Variants in UQCC1 observed in about 807,000 individuals in gnomAD.
The protein encoded by UQCC1 is ubiquinol-cytochrome c reductase complex assembly factor 1.
In UQCC1, 38 loss-of-function variants were observed where a neutral mutation model predicts 48.0. The ratio of observed to expected loss-of-function variants is 0.79; its 90% CI spans 0.61 to 1.04. The LOEUF is 1.04. Ranked by LOEUF, UQCC1 falls within the 50% of genes least tolerant of loss-of-function variation. The probability of loss-of-function intolerance (pLI) is 0.00; values close to 1 mark genes in which losing one functional copy is unlikely to be tolerated. For synonymous variants in UQCC1, 111 were observed against 129.2 expected (o/e 0.86, Z 0.95); for missense variants, 368 against 381.8 (o/e 0.96, Z 0.30).
chr20:35,331,153 T>A (rs1212649905), intron 7 of UQCC1, among the ~76,000 whole-genome samples: 1 of 152,082 alleles, frequency 6.6e-6, no homozygotes, highest in African/African-American at 2.4e-5. Flanking sequence ...AGAAGCCTGC[T>A]CAGCGCTTAA....
intron 7 of UQCC1, among the ~76,000 whole-genome samples, chr20:35,323,662 G>A (rs2061157429): frequency 6.6e-6 from 1 of 152,320 alleles, no homozygotes; most frequent in South Asian, 2.1e-4. Context: ...AGGCCAGGGC[G>A]TTCAAGATTC....
At chr20:35,379,966 A>T (rs1241745357) in intron 4 of UQCC1, among the ~76,000 whole-genome samples, 1 of 152,180 alleles carries the variant, frequency 6.6e-6, no homozygotes, top group Non-Finnish European at 1.5e-5. Flanking sequence ...GAGCAAAGGA[A>T]TTTTCCTGAT....
intron 5 of UQCC1, among the ~76,000 whole-genome samples, chr20:35,367,920 A>T (rs2061687878): frequency 1.3e-5 from 2 of 152,314 alleles, no homozygotes; most frequent in South Asian, 2.1e-4. Flanking sequence ...TTCAGATCCC[A>T]CAAATTAGTT....
intron 9 of UQCC1, among the ~76,000 whole-genome samples, chr20:35,304,928 A>G (rs2060911864): frequency 6.6e-6 from 1 of 151,116 alleles, no homozygotes; most frequent in Non-Finnish European, 1.5e-5. Context: ...CCTAAAGCCC[A>G]CTCCTCCCTT....
At chr20:35,384,806 AAAT>A in intron 2 of UQCC1, among the ~76,000 whole-genome samples, 1 of 151,740 alleles carries the variant, frequency 6.6e-6, no homozygotes, top group Admixed American at 6.6e-5. Flanking sequence ...TCTCTACTAA[AAAT>A]ACAAAAAATT....
chr20:35,376,302 C>T lies in UQCC1; in HGVS notation c.334-2046G>A, dbSNP rs998992801. Among the ~76,000 whole-genome samples the T allele has an allele frequency of 6.0e-5, 9 of 150,114 alleles. No homozygotes were observed. The East Asian group carries it at 9.7e-4, about 16-fold the overall frequency. ...CAGCCTGGGCGACAGAGCCAGACTCCGCCTCAAAAAAAAAATCAATAAAAT... is the reference window on the plus strand; with the variant it reads ...CAGCCTGGGCGACAGAGCCAGACTCTGCCTCAAAAAAAAAATCAATAAAAT... On this transcript the variant is annotated intron_variant, in intron 4 of 9. Transcript: ENST00000374385.
At chr20:35,336,571 G>C (rs1021699147) in intron 7 of UQCC1, among the ~76,000 whole-genome samples, 1 of 152,132 alleles carries the variant, frequency 6.6e-6, no homozygotes, top group Non-Finnish European at 1.5e-5. Flanking sequence ...AGAGCTGGAA[G>C]GGGCAAGAGT....
At chr20:35,350,790 C>T (rs2061482206) in intron 6 of UQCC1, among the ~76,000 whole-genome samples, 1 of 151,062 alleles carries the variant, frequency 6.6e-6, no homozygotes, top group African/African-American at 2.4e-5. Context: ...CCTGTAATTC[C>T]AACACTTTGG....
intron 2 of UQCC1, among the ~76,000 whole-genome samples, chr20:35,386,955 A>C (rs910074673): frequency 1.3e-5 from 2 of 151,776 alleles, no homozygotes; most frequent in Admixed American, 6.6e-5. Context: ...ACCCTTAAAG[A>C]CCTCAATTTT....
intron 7 of UQCC1, among the ~76,000 whole-genome samples, chr20:35,325,519 G>T (rs6060371): frequency 0.48 from 73,070 of 151,918 alleles, 19,307 homozygotes; most frequent in African/African-American, 0.71. Flanking sequence ...GACTATAAAC[G>T]GTCTTGGTAC....
intron 7 of UQCC1, among the ~76,000 whole-genome samples, chr20:35,327,245 C>T (rs1206830596): frequency 6.6e-6 from 1 of 152,198 alleles, no homozygotes; most frequent in African/African-American, 2.4e-5. Flanking sequence ...TGGGTCAGAC[C>T]AAAGTCTAAA....
At chr20:35,360,658 G>A (rs2061595496) in intron 6 of UQCC1, among the ~76,000 whole-genome samples, 1 of 152,000 alleles carries the variant, frequency 6.6e-6, no homozygotes, top group Admixed American at 6.6e-5. Flanking sequence ...GAAGGCCAAG[G>A]CAACTGCTTT....
At chr20:35,379,200 C>T (rs1402535784) in intron 4 of UQCC1, among the ~76,000 whole-genome samples, 1 of 152,106 alleles carries the variant, frequency 6.6e-6, no homozygotes, top group Admixed American at 6.5e-5. Flanking sequence ...TAAGGGAAAG[C>T]TACATTTAAG....
intron 7 of UQCC1, among the ~76,000 whole-genome samples, chr20:35,321,774 C>T (rs536844904): frequency 3.8e-4 from 58 of 152,320 alleles, no homozygotes; most frequent in African/African-American, 1.4e-3. Flanking sequence ...ATGTTCAAGA[C>T]TGCATAGCCT....
chr20:35,321,642 G>A (rs1006857334), intron 7 of UQCC1, among the ~76,000 whole-genome samples: 1 of 152,152 alleles, frequency 6.6e-6, no homozygotes, highest in Non-Finnish European at 1.5e-5. Flanking sequence ...ATCACTTGAG[G>A]CCAGGAGTTC....
chr20:35,306,508 C>G, intron 9 of UQCC1, 158 bp downstream of exon 9: 1 of 607,714 alleles, frequency 1.6e-6, no homozygotes, highest in South Asian at 1.9e-5. Flanking sequence ...GTTGGACATA[C>G]AGAAGGCGCT....
At chr20:35,343,462 A>G (rs2061402395) in intron 7 of UQCC1, among the ~76,000 whole-genome samples, 1 of 152,202 alleles carries the variant, frequency 6.6e-6, no homozygotes, top group African/African-American at 2.4e-5. Flanking sequence ...CCCCTCAAAC[A>G]CACACATGCA....
intron 2 of UQCC1, among the ~76,000 whole-genome samples, chr20:35,392,595 C>T (rs932166225): frequency 1.2e-4 from 18 of 152,104 alleles, no homozygotes; most frequent in African/African-American, 4.1e-4. Context: ...GAACACAGCC[C>T]AAGCTCTGAA....
At chr20:35,340,014 G>C (rs1040192087) in intron 7 of UQCC1, among the ~76,000 whole-genome samples, 1 of 152,074 alleles carries the variant, frequency 6.6e-6, no homozygotes, top group Non-Finnish European at 1.5e-5. Flanking sequence ...AACTACAAGG[G>C]TTCTATATGC....
Sources: gnomAD v4.1 joint callset for allele counts (sites outside exome capture counted in the v4.1 genomes callset) on GRCh38, gnomAD v4.1.1 for gene constraint, MANE v1.5 for transcripts, NCBI Gene and HGNC (gene_info 2026-07-23, HGNC 2026-07-21) for gene names.